The following DNAH14 variants were observed in gnomAD, a reference collection of about 807,000 sequenced individuals.
DNAH14 encodes axonemal beta dynein heavy chain 14.
A neutral mutation model predicts 520.9 loss-of-function variants in DNAH14; 478 were observed. The observed-to-expected ratio is 0.92, with a 90% CI of 0.85 to 0.99. The LOEUF is 0.99. Ranked by LOEUF, DNAH14 falls within the 50% of genes least tolerant of loss-of-function variation. The probability of loss-of-function intolerance (pLI) is 0.00; values close to 1 mark genes in which losing one functional copy is unlikely to be tolerated. For synonymous variants in DNAH14, 1,581 were observed against 1,757.2 expected (o/e 0.90, Z 2.51); for missense variants, 4,831 against 5,234.5 (o/e 0.92, Z 2.38).
chr1:224,986,848 A>G (rs1224105836), intron 8 of DNAH14, among the ~76,000 whole-genome samples: 2 of 152,216 alleles, frequency 1.3e-5, no homozygotes, highest in African/African-American at 4.8e-5. Context: ...GACAAGAGAA[A>G]GAAATAAAGG....
intron 44 of DNAH14, among the ~76,000 whole-genome samples, chr1:225,256,363 A>G (rs1245812494): frequency 1.3e-5 from 2 of 152,194 alleles, no homozygotes; most frequent in Non-Finnish European, 2.9e-5. Flanking sequence ...GAAAACCGGA[A>G]GTAAACATTG....
At chr1:225,214,186 T>C (rs1035374466) in intron 41 of DNAH14, among the ~76,000 whole-genome samples, 1 of 152,198 alleles carries the variant, frequency 6.6e-6, no homozygotes, top group African/African-American at 2.4e-5. Flanking sequence ...TTGTCTTTGG[T>C]TCTGTTTATA....
chr1:225,283,749 T>C (rs545280233), intron 54 of DNAH14, among the ~76,000 whole-genome samples: 1 of 152,224 alleles, frequency 6.6e-6, no homozygotes, highest in South Asian at 2.1e-4. Context: ...GAAGCAAACA[T>C]GTAACATTCT....
intron 79 of DNAH14, among the ~76,000 whole-genome samples, chr1:225,378,332 T>C (rs896688637): frequency 2.0e-5 from 3 of 152,190 alleles, no homozygotes; most frequent in Non-Finnish European, 4.4e-5. Context: ...CTTTGCCCTC[T>C]GAAGGTAAGC....
At chr1:224,992,946 C>T (rs1296784345) in intron 8 of DNAH14, among the ~76,000 whole-genome samples, 2 of 152,056 alleles carry the variant, frequency 1.3e-5, no homozygotes, top group Non-Finnish European at 2.9e-5. Flanking sequence ...GCTTTTTCTG[C>T]ACCTGATGAG....
At chr1:224,965,923 G>A (rs1019097127) in intron 5 of DNAH14, among the ~76,000 whole-genome samples, 1 of 152,088 alleles carries the variant, frequency 6.6e-6, no homozygotes, top group African/African-American at 2.4e-5. Context: ...AAAGGATTGA[G>A]AATATGATTA....
chr1:225,263,420 C>T (rs2093008375), intron 46 of DNAH14, among the ~76,000 whole-genome samples: 1 of 151,846 alleles, frequency 6.6e-6, no homozygotes, highest in South Asian at 2.1e-4. Context: ...CTTTGAATTT[C>T]CCCCTTTCCT....
intron 27 of DNAH14, among the ~76,000 whole-genome samples, chr1:225,134,245 G>A (rs577634377): frequency 6.6e-6 from 1 of 152,094 alleles, no homozygotes; most frequent in Non-Finnish European, 1.5e-5. Flanking sequence ...TGCCCTGGCT[G>A]GAACTTCGAA....
chr1:225,172,710 T>C (rs1218165971), intron 36 of DNAH14, among the ~76,000 whole-genome samples: 1 of 152,216 alleles, frequency 6.6e-6, no homozygotes, highest in African/African-American at 2.4e-5. Flanking sequence ...ATAGATTCAA[T>C]GCCATCCTCT....
chr1:224,995,198 T>C (rs2063316193), intron 8 of DNAH14, among the ~76,000 whole-genome samples: 1 of 152,142 alleles, frequency 6.6e-6, no homozygotes, highest in Non-Finnish European at 1.5e-5. Flanking sequence ...TAAGTAACTC[T>C]CTTTTACAAT....
chr1:225,291,006 A>G (rs185458291), intron 55 of DNAH14, among the ~76,000 whole-genome samples: 2 of 151,806 alleles, frequency 1.3e-5, no homozygotes, highest in East Asian at 3.9e-4. Flanking sequence ...CCCTTAAAAA[A>G]TCCCTCCCTA....
chr1:225,150,867 C>T (rs2149085904), intron 31 of DNAH14, among the ~76,000 whole-genome samples: 1 of 152,158 alleles, frequency 6.6e-6, no homozygotes, highest in African/African-American at 2.4e-5. Context: ...GGTGCCACCA[C>T]ACCTGGCTAA....
chr1:225,101,189 G>A (rs964313087), intron 23 of DNAH14, among the ~76,000 whole-genome samples: 1 of 151,244 alleles, frequency 6.6e-6, no homozygotes, highest in Non-Finnish European at 1.5e-5. Flanking sequence ...ACTTCTTTCA[G>A]GAGGTTAATA....
chr1:225,205,874 A>G, intron 39 of DNAH14, 97 bp from the exon 40 acceptor site: 1 of 1,032,342 alleles, frequency 9.7e-7, no homozygotes, highest in South Asian at 1.7e-5. Context: ...CTTTCCTCTT[A>G]GAAAATATGT....
intron 1 of DNAH14, among the ~76,000 whole-genome samples, chr1:224,930,403 G>A (rs74228668): frequency 0.053 from 8,013 of 152,124 alleles, 322 homozygotes; most frequent in Non-Finnish European, 0.078. Context: ...TCATAACAGC[G>A]GTAGTCCCAT....
chr1:225,188,588 G>A (rs533698853), intron 37 of DNAH14, among the ~76,000 whole-genome samples: 77 of 151,890 alleles, frequency 5.1e-4, no homozygotes, highest in African/African-American at 1.5e-3. Flanking sequence ...GGATAAAGGC[G>A]GATTATTGTA....
At chr1:225,135,595 A>G (rs1325638628) in intron 27 of DNAH14, among the ~76,000 whole-genome samples, 1 of 152,092 alleles carries the variant, frequency 6.6e-6, no homozygotes, top group African/African-American at 2.4e-5. Context: ...TATGTGACCA[A>G]TTTTAAAGTA....
chr1:225,297,950 C>A (rs1044115416), intron 55 of DNAH14, among the ~76,000 whole-genome samples: 2 of 151,292 alleles, frequency 1.3e-5, no homozygotes, highest in East Asian at 2.0e-4. Context: ...GTCTGCAGCA[C>A]GGGGGATGTA....
chr1:225,154,299 G>A (rs12740067), intron 34 of DNAH14, among the ~76,000 whole-genome samples: 19,403 of 151,880 alleles, frequency 0.13, 1,395 homozygotes, highest in East Asian at 0.31. Context: ...ATTAATTTAC[G>A]AATGGAAATG....
Sources: gnomAD v4.1 joint callset for allele counts (sites outside exome capture counted in the v4.1 genomes callset) on GRCh38, gnomAD v4.1.1 for gene constraint, MANE v1.5 for transcripts, NCBI Gene and HGNC (gene_info 2026-07-23, HGNC 2026-07-21) for gene names.